RTL1: variants seen among roughly 807,000 people sequenced by gnomAD.
The protein encoded by RTL1 is retrotransposon Gag like 1.
For synonymous variants in RTL1, 727 were observed against 748.4 expected (o/e 0.97, Z 0.47); for missense variants, 1,681 against 1,767.5 (o/e 0.95, Z 0.88).
In RTL1 at chr14:100,882,530, C is replaced by G. The variant is rs1219522563; in HGVS notation, c.2259G>C (p.Leu753=). 1.3e-6 allele frequency: 2 copies of G among 1,551,868 alleles called. No homozygotes were observed. Among genetic ancestry groups the G allele is most frequent in the East Asian group, 2.4e-5 (1 of 40,900 alleles). The change falls in exon 4 of 4, where the codon CTG becomes CTC. Residue 753 remains leucine (L), a synonymous_variant. Coordinates refer to ENST00000649591, the MANE Select transcript of RTL1 (RefSeq NM_001134888.3). The part of the protein sequence containing the change: ...EEHLHHVRQV[L]VRFRHHNVYC... ...AGACGTTGTGATGGCGGAAGCGGAC[C>G]AGGACTTGGCGGACGTGGTGGAGGT...
In RTL1 at chr14:100,883,358, C is replaced by T. The variant is rs780011960; in HGVS notation, c.1431G>A (p.Glu477=). 6.4e-7 allele frequency: 1 copy of T among 1,551,434 alleles called. No individual in the cohort carries two copies. The highest frequency in any genetic ancestry group is 1.2e-5 in the South Asian group (1 of 84,058). Reference sequence around the variant, plus strand: ...GGTTCTGGTGGATACACACCAGGGGCTCCGTGTAGAGCCAGACAGGCTCGT... The same window carrying T: ...GGTTCTGGTGGATACACACCAGGGGTTCCGTGTAGAGCCAGACAGGCTCGT... ...IGNEPVWLYT[E]PLVCIHQNHQ... Residue 477 remains glutamate, a synonymous_variant, in exon 4 of 4, where the codon GAG becomes GAA. Coordinates refer to ENST00000649591, the MANE Select transcript of RTL1 (RefSeq NM_001134888.3). This position sits in a 1 kb window ranked among gnomAD's most constrained non-coding sequence, Gnocchi z 5.9.
Position 100,880,322 on chromosome 14 carries a change from C to T in RTL1, c.*390G>A, listed in dbSNP as rs114133567. 0.014 allele frequency among the ~76,000 whole-genome samples: 2,059 copies of T among 151,920 alleles called. 30 individuals carry two copies. Among genetic ancestry groups the T allele is most frequent in the East Asian group, 0.048 (245 of 5,134 alleles). The stretch of plus-strand genomic sequence containing the variant: ...TGTCCCAGGGTGGCCATCACCAGGC[C>T]GGGTGGGGGGCCCCGTCACCTGCTT... On this transcript the variant is annotated 3_prime_UTR_variant, in exon 4 of 4. Coordinates refer to ENST00000649591, the MANE Select transcript of RTL1 (RefSeq NM_001134888.3).
chr14:100,884,430 C>G lies in RTL1; in HGVS notation c.359G>C (p.Arg120Thr), dbSNP rs766669994. The G allele has an allele frequency of 3.5e-5, 56 of 1,613,298 alleles. No individual in the cohort carries two copies. The highest frequency in any genetic ancestry group is 4.7e-5 in the Non-Finnish European group (55 of 1,179,752). The change falls in exon 4 of 4, where the codon AGG (arginine) becomes ACG (threonine). Residue 120 changes from arginine (R) to threonine (T), a missense_variant. Transcript: ENST00000649591. ...TGGGTTGACTGATGCTTCTTTCATC[C>G]TATCAGATGCTCCACTGAGTGGATC... Reference protein sequence around the residue: ...RGDPLSGASDRMKEASVNPSG... With the variant: ...RGDPLSGASDTMKEASVNPSG...
chr14:100,884,373 G>C lies in RTL1; in HGVS notation c.416C>G (p.Thr139Ser), dbSNP rs756521964. Residue 139 changes from threonine (T) to serine (S), a missense_variant, in exon 4 of 4, where the codon ACT becomes AGT. Physicochemically the swap from Thr to Ser is moderately conservative, Grantham distance 58. Coordinates refer to ENST00000649591, the MANE Select transcript of RTL1 (RefSeq NM_001134888.3). ...SGAREEQEAHTDLKESGREET... is the reference protein window; with the variant it reads ...SGAREEQEAHSDLKESGREET... ...CTCCCTTCCCGATTCCTTCAGGTCA[G>C]TGTGAGCCTCTTGTTCTTCTCGGGC... is the stretch of plus-strand genomic sequence containing the variant. 6.4e-7 allele frequency: 1 copy of C among 1,573,174 alleles called. No homozygotes were observed. The highest frequency in any genetic ancestry group is 2.3e-5 in the East Asian group (1 of 42,958).
Position 100,893,931 on chromosome 14 carries a change from GCCCTGC to G in RTL1, c.-148-432_-148-427del, listed in dbSNP as rs1386939144. ...CTCGCTGGCGTCCTCACTGGCCATG[GCCCTGC>G]AGCCTTGCTCTTCAGTTCCTGGAAG... On this transcript the variant is annotated intron_variant, in intron 2 of 3. Transcript: ENST00000649591. This position sits in a 1 kb window ranked among gnomAD's most constrained non-coding sequence, Gnocchi z 4.2. 6.6e-6 allele frequency among the ~76,000 whole-genome samples: 1 copy of G among 152,196 alleles called. No homozygotes were observed. The highest frequency in any genetic ancestry group is 6.5e-5 in the Admixed American group (1 of 15,280).
intron 2 of RTL1, among the ~76,000 whole-genome samples, chr14:100,898,371 T>C (rs1187914147): frequency 2.0e-5 from 3 of 152,222 alleles, no homozygotes; most frequent in Admixed American, 6.5e-5. Flanking sequence ...TGCAGCTAAA[T>C]CTGTAAACAC....
chr14:100,899,478 G>T (rs772139490), intron 2 of RTL1, among the ~76,000 whole-genome samples: 1 of 152,158 alleles, frequency 6.6e-6, no homozygotes, highest in Non-Finnish European at 1.5e-5. Context: ...ACAGGCTTTG[G>T]GGGAGAGGAG....
rs1566754342 is a variant in RTL1, at chr14:100,883,915, A to G, written c.874T>C (p.Phe292Leu). The G allele has an allele frequency of 6.4e-7, 1 of 1,551,614 alleles. No individual in the cohort carries two copies. The highest frequency in any genetic ancestry group is 2.0e-5 in the Admixed American group (1 of 51,010). Residue 292 changes from phenylalanine (F) to leucine (L), a missense_variant, in exon 4 of 4, where the codon TTC (phenylalanine) becomes CTC (leucine). Transcript: ENST00000649591. This position sits in a 1 kb window ranked among gnomAD's most constrained non-coding sequence, Gnocchi z 5.9. ...QALRVAEEAM[F>L]TIRQGGRSAT... ...GAGCGGCCGCCCTGCCTGATGGTGA[A>G]CATGGCCTCTTCTGCCACACGCAGT...
At chr14:100,903,213 G>A (rs11627449) in intron 2 of RTL1, among the ~76,000 whole-genome samples, 78 bp downstream of exon 2, 3 of 152,024 alleles carry the variant, frequency 2.0e-5, no homozygotes, top group East Asian at 1.9e-4. Context: ...GAAACTCAGC[G>A]GGGTCCGGGC....
At chr14:100,887,070 A>T (rs2038705891) in intron 3 of RTL1, among the ~76,000 whole-genome samples, 1 of 152,234 alleles carries the variant, frequency 6.6e-6, no homozygotes, top group African/African-American at 2.4e-5. Context: ...TTCTCTATTT[A>T]ACACATATAA....
At chr14:100,900,547 T>C (rs1438375298) in intron 2 of RTL1, among the ~76,000 whole-genome samples, 1 of 152,190 alleles carries the variant, frequency 6.6e-6, no homozygotes, top group Non-Finnish European at 1.5e-5. Flanking sequence ...GAATCCCATT[T>C]CCTAACTTCC....
At chr14:100,897,208 A>G (rs2038869992) in intron 2 of RTL1, among the ~76,000 whole-genome samples, 2 of 152,210 alleles carry the variant, frequency 1.3e-5, no homozygotes, top group South Asian at 2.1e-4. Context: ...TGCTCTGGGC[A>G]TGTACCCACT....
rs866210313 is a variant in RTL1 at position 100,881,091 on chromosome 14, C to A, written c.3698G>T (p.Arg1233Leu). 1 of 1,594,104 alleles carries A rather than the reference C, an allele frequency of 6.3e-7. No homozygotes were observed. Among genetic ancestry groups the A allele is most frequent in the Admixed American group, 1.7e-5 (1 of 57,976 alleles). Reference sequence around the variant, plus strand: ...TTGCAGGTCGTCTTGCAGGGCTTCTCGCAAGACGACATCCTCATCACCAAC... The same window carrying A: ...TTGCAGGTCGTCTTGCAGGGCTTCTAGCAAGACGACATCCTCATCACCAAC... ...HVVGDEDVVL[R>L]EALQDDLQRY... Residue 1233 changes from arginine to leucine, a missense_variant, in exon 4 of 4, where the codon CGA becomes CTA. Transcript: ENST00000649591. The surrounding 1 kb of genome is among the most constrained non-coding windows in gnomAD (Gnocchi z 6.6).
chr14:100,892,281 A>G (rs2038790320), intron 3 of RTL1, among the ~76,000 whole-genome samples: 1 of 152,186 alleles, frequency 6.6e-6, no homozygotes, highest in Non-Finnish European at 1.5e-5. Context: ...GAGGCAAACA[A>G]GGAGGGCCCC....
chr14:100,881,156 G>T lies in RTL1; in HGVS notation c.3633C>A (p.Leu1211=). 2 of 1,546,854 alleles carry T rather than the reference G, an allele frequency of 1.3e-6. No homozygotes were observed. The highest frequency in any genetic ancestry group is 3.9e-5 in the Admixed American group (2 of 51,428). Residue 1211 remains leucine, a synonymous_variant, in exon 4 of 4, where the codon CTC becomes CTA. Transcript: ENST00000649591. This position sits in a 1 kb window ranked among gnomAD's most constrained non-coding sequence, Gnocchi z 6.6. ...GGTAGCGGTTCTGACGCAGGGCAGG[G>T]AGGTGGCCCTCCTGGGGGGTGACTC... ...GVRVTPQEGH[L]PALRQNRYLE... is the part of the protein sequence containing the mutation.
At chr14:100,892,033 C>T (rs2038786792) in intron 3 of RTL1, among the ~76,000 whole-genome samples, 2 of 152,164 alleles carry the variant, frequency 1.3e-5, no homozygotes, top group Admixed American at 6.5e-5. Context: ...TTGGGGTCGT[C>T]GTATTATTTC....
At position 100,903,657 on chromosome 14, in the gene RTL1, G is replaced by T. The variant is rs1002633613; in HGVS notation, c.-297C>A. ...CAGGATGGAACCCCAGACTCTCCGA[G>T]GCTCCCCACCACACCCTGCTGCTGA... On this transcript the variant is annotated 5_prime_UTR_variant, in exon 1 of 4. Coordinates refer to ENST00000649591, the MANE Select transcript of RTL1 (RefSeq NM_001134888.3). Among the ~76,000 whole-genome samples the T allele has an allele frequency of 2.0e-5, 3 of 152,168 alleles. No individual in the cohort carries two copies. Among genetic ancestry groups the T allele is most frequent in the Admixed American group, 6.5e-5 (1 of 15,292 alleles).
In RTL1 at chr14:100,884,129, G is replaced by A; in HGVS notation, c.660C>T (p.Cys220=). 2 of 1,551,716 alleles carry A rather than the reference G, an allele frequency of 1.3e-6. 1 individual carries two copies. The highest frequency in any genetic ancestry group is 1.7e-6 in the Non-Finnish European group (2 of 1,146,996). ...TTGGGTAGCTCTGTAAGGTCAGTTG[G>A]CAGAGTACGATGAACTCGTGGAATT... The part of the protein sequence containing the change: ...RREFHEFIVL[C]QLTLQSYPRM... Residue 220 remains cysteine (C), a synonymous_variant, in exon 4 of 4, where the codon TGC becomes TGT. Transcript: ENST00000649591.
At position 100,882,224 on chromosome 14, in the gene RTL1, G is replaced by A; in HGVS notation, c.2565C>T (p.Cys855=). ...WGVEEQEAFE[C]LKRAFRKAPL... ...GCGCCTTGCGGAAAGCCCTCTTCAG[G>A]CACTCGAAGGCCTCTTGCTCCTCGA... is the stretch of plus-strand genomic sequence containing the variant. The change falls in exon 4 of 4, where the codon TGC becomes TGT. Residue 855 remains cysteine, a synonymous_variant. Transcript: ENST00000649591. The A allele has an allele frequency of 1.5e-5, 23 of 1,551,104 alleles. No individual in the cohort carries two copies. Among genetic ancestry groups the A allele is most frequent in the Non-Finnish European group, 2.0e-5 (23 of 1,146,998 alleles).
Sources: gnomAD v4.1 joint callset for allele counts (sites outside exome capture counted in the v4.1 genomes callset) on GRCh38, gnomAD v4.1.1 for gene constraint, Gnocchi (gnomAD v3.1) non-coding constraint, MANE v1.5 for transcripts, NCBI Gene and HGNC (gene_info 2026-07-23, HGNC 2026-07-21) for gene names.